The following PLOD1 variants were observed in gnomAD, a reference collection of about 807,000 sequenced individuals.
PLOD1 encodes the protein procollagen-lysine,2-oxoglutarate 5-dioxygenase 1, also known as lysine hydroxylase.
PLOD1 carries 70 observed loss-of-function variants against 94.7 expected under a neutral mutation model. The ratio of observed to expected loss-of-function variants is 0.74; its 90% confidence interval spans 0.61 to 0.90. The LOEUF is 0.90. PLOD1 is among the 40% of genes least tolerant of loss of function. The pLI, the probability that PLOD1 is intolerant of heterozygous loss-of-function variation, is 0.00. For missense variants in PLOD1, 905 were observed against 972.7 expected, an observed-to-expected ratio of 0.93 and a Z score of 0.93; for synonymous variants, 417 against 400.2, an observed-to-expected ratio of 1.04 and a Z score of -0.50.
chr1:11,949,370 C>T (rs897856067), intron 2 of PLOD1, among the ~76,000 whole-genome samples: 2 of 152,062 alleles, frequency 1.3e-5, no homozygotes, highest in Non-Finnish European at 2.9e-5. Flanking sequence ...GAATGGTTTC[C>T]TTACAGGGGA....
At chr1:11,955,798 A>G (rs981502124) in intron 6 of PLOD1, among the ~76,000 whole-genome samples, 5 of 151,526 alleles carry the variant, frequency 3.3e-5, no homozygotes, top group African/African-American at 2.4e-5. Context: ...TAATTTTTGT[A>G]TTTTTTTAGT....
intron 4 of PLOD1, among the ~76,000 whole-genome samples, chr1:11,952,229 G>T (rs1645708173): frequency 6.6e-6 from 1 of 152,202 alleles, no homozygotes; most frequent in South Asian, 2.1e-4. Context: ...TGTGAGCTTG[G>T]CCCAGCCTTT....
chr1:11,965,234 TTACG>T (rs1264613723), intron 13 of PLOD1, among the ~76,000 whole-genome samples: 1 of 152,042 alleles, frequency 6.6e-6, no homozygotes, highest in African/African-American at 2.4e-5. Flanking sequence ...TCCTTTTCTT[TTACG>T]CATTTTTTCT....
rs1159157125 is a variant in PLOD1 at position 11,949,881 on chromosome 1, G to A, written c.277G>A (p.Asp93Asn). ...TCTGGAGAAGCACGCAGACAAGGAG[G>A]ATCTGGTCATTCTCTTCGCAGACAG... is the stretch of plus-strand genomic sequence containing the variant. ...KALEKHADKE[D>N]LVILFADSYD... The change falls in exon 3 of 19, where the codon GAT (aspartate) becomes AAT (asparagine). Residue 93 changes from aspartate to asparagine, a missense_variant. Asp to Asn is a conservative substitution (Grantham distance 23). Transcript: ENST00000196061. The A allele has an allele frequency of 3.7e-6, 6 of 1,614,158 alleles. No homozygotes were observed. In the South Asian group the frequency reaches 4.4e-5, roughly 12 times the overall value.
chr1:11,937,729 G>C (rs756935145), intron 1 of PLOD1, among the ~76,000 whole-genome samples: 4 of 152,150 alleles, frequency 2.6e-5, no homozygotes, highest in Non-Finnish European at 4.4e-5. Flanking sequence ...CCTTCACAGA[G>C]GGTGCTGCTA....
Position 11,934,819 on chromosome 1 carries a change from C to T in PLOD1, c.40C>T (p.Leu14=). Residue 14 remains leucine, a synonymous_variant, in exon 1 of 19, where the codon CTG becomes TTG. Coordinates refer to ENST00000196061, the MANE Select transcript of PLOD1 (RefSeq NM_000302.4). The stretch of plus-strand genomic sequence containing the variant: ...GCTACTGGCCCTGCTGGGCTGGCTG[C>T]TGCTGGCCGAAGCGAAGGGCGACGC... ...LLLLALLGWL[L]LAEAKGDAKP... is the part of the protein sequence containing the mutation. 6.5e-7 allele frequency: 1 copy of T among 1,540,820 alleles called. No individual in the cohort carries two copies.
chr1:11,935,648 G>T, intron 1 of PLOD1, among the ~76,000 whole-genome samples: 1 of 139,436 alleles, frequency 7.2e-6, no homozygotes, highest in Non-Finnish European at 1.5e-5. Flanking sequence ...TTTTTGAGAT[G>T]GAGTCTCGCT....
At chr1:11,964,507 A>G (rs896596573) in intron 12 of PLOD1, 137 bp from the exon 13 acceptor site, 39 of 948,416 alleles carry the variant, frequency 4.1e-5, no homozygotes, top group South Asian at 3.8e-4. Flanking sequence ...AATCAGCACA[A>G]TTGTGCCCCC....
chr1:11,941,467 G>GATTATTATTTTTTATTATTATTATTATT (rs531153063), intron 1 of PLOD1, among the ~76,000 whole-genome samples: 1 of 141,828 alleles, frequency 7.1e-6, no homozygotes, highest in African/African-American at 3.0e-5. Flanking sequence ...AAGTAGCTGG[G>GATTATTATTTTTTATTATTATTATTATT]ATTATTATTA....
intron 13 of PLOD1, among the ~76,000 whole-genome samples, 172 bp downstream of exon 13, chr1:11,964,957 G>A (rs561559315): frequency 2.6e-5 from 4 of 152,318 alleles, no homozygotes; most frequent in South Asian, 2.1e-4. Flanking sequence ...AATGGGGGCC[G>A]TCGGGCACGA....
intron 18 of PLOD1, among the ~76,000 whole-genome samples, 192 bp from the exon 19 acceptor site, chr1:11,974,461 G>A (rs1424426944): frequency 5.3e-5 from 8 of 152,186 alleles, no homozygotes; most frequent in Non-Finnish European, 1.5e-5. Flanking sequence ...GGGATTACAG[G>A]CGTGAGCCAC....
Position 11,975,007 on chromosome 1 carries a change from C to T in PLOD1, c.*199C>T, listed in dbSNP as rs895801672. On this transcript the variant is annotated 3_prime_UTR_variant, in exon 19 of 19. Coordinates refer to ENST00000196061, the MANE Select transcript of PLOD1 (RefSeq NM_000302.4). ...GGAACACACCTTTATGGCTGGGGCT[C>T]TCCGTGGTGTTCTGGACCCAGCCCC... The T allele has an allele frequency of 2.3e-5, 15 of 658,474 alleles. No homozygotes were observed. Among genetic ancestry groups the T allele is most frequent in the Non-Finnish European group, 3.6e-5 (13 of 365,472 alleles). The allele number at this position is 658,474 out of a possible 1,614,324, so 40.8% of individuals were successfully genotyped here. A position where few individuals can be genotyped will look rare whatever the true frequency, so the allele number is the denominator to read the frequency against.
At position 11,967,025 on chromosome 1, in the gene PLOD1, G is replaced by A. The variant is rs139230801; in HGVS notation, c.1689G>A (p.Glu563=). ...PDVYWFPIFT[E]VACDELVEEM... Reference sequence around the variant, plus strand: ...TCTATTGGTTCCCCATCTTCACGGAGGTGGCCTGTGATGAGCTGGTGGAGG... The same window carrying A: ...TCTATTGGTTCCCCATCTTCACGGAAGTGGCCTGTGATGAGCTGGTGGAGG... Residue 563 remains glutamate, a synonymous_variant, in exon 16 of 19, where the codon GAG becomes GAA. Coordinates refer to ENST00000196061, the MANE Select transcript of PLOD1 (RefSeq NM_000302.4). The A allele has an allele frequency of 2.0e-5, 32 of 1,614,032 alleles. No individual in the cohort carries two copies. The African/African-American group carries it at 4.0e-4, about 20-fold the overall frequency.
At position 11,947,995 on chromosome 1, in the gene PLOD1, G is replaced by A. The variant is rs765270896; in HGVS notation, c.96G>A (p.Thr32=). The stretch of plus-strand genomic sequence containing the variant: ...CTGCAGACAACCTTTTAGTCCTCAC[G>A]GTGGCCACTAAGGAGACCGAGGGAT... The part of the protein sequence containing the change: ...AKPEDNLLVL[T]VATKETEGFR... The change falls in exon 2 of 19, where the codon ACG becomes ACA. Residue 32 remains threonine (T), a synonymous_variant. Coordinates refer to ENST00000196061, the MANE Select transcript of PLOD1 (RefSeq NM_000302.4). The A allele has an allele frequency of 7.4e-6, 12 of 1,612,612 alleles. No individual in the cohort carries two copies. Among genetic ancestry groups the A allele is most frequent in the Admixed American group, 5.0e-5 (3 of 59,966 alleles).
chr1:11,935,523 G>T (rs980713864), intron 1 of PLOD1, among the ~76,000 whole-genome samples: 4 of 151,854 alleles, frequency 2.6e-5, no homozygotes, highest in African/African-American at 9.7e-5. Context: ...TATTTATTTA[G>T]TTATTTATTT....
chr1:11,966,871 C>T (rs373888548), intron 15 of PLOD1, 116 bp from the exon 16 acceptor site: 48 of 767,922 alleles, frequency 6.3e-5, no homozygotes, highest in East Asian at 1.7e-4. Flanking sequence ...TTGACAAGGC[C>T]CTGCTCCCCG....
At chr1:11,967,597 G>GTATGTATATATATATATATATATATA in intron 16 of PLOD1, among the ~76,000 whole-genome samples, 1 of 59,786 alleles carries the variant, frequency 1.7e-5, no homozygotes, top group South Asian at 8.9e-4. Flanking sequence ...GTGTGTGTGT[G>GTATGTATATATATATATATATATATA]TATATATATA....
intron 10 of PLOD1, among the ~76,000 whole-genome samples, chr1:11,961,590 A>T (rs1426844402): frequency 6.6e-6 from 1 of 152,072 alleles, no homozygotes; most frequent in Non-Finnish European, 1.5e-5. Context: ...TGGACACTGA[A>T]ATTTGACTTT....
chr1:11,952,781 C>T (rs200584810), intron 5 of PLOD1, 46 bp downstream of exon 5: 28 of 1,370,448 alleles, frequency 2.0e-5, no homozygotes, highest in African/African-American at 1.1e-4. Flanking sequence ...GGGGATCCAC[C>T]GGCCAGGCTG....
Sources: gnomAD v4.1 joint callset for allele counts (sites outside exome capture counted in the v4.1 genomes callset) on GRCh38, gnomAD v4.1.1 for gene constraint, MANE v1.5 for transcripts, NCBI Gene and HGNC (gene_info 2026-07-23, HGNC 2026-07-21) for gene names.